The following PDE4D variants were observed in gnomAD, a reference collection of about 807,000 sequenced individuals.
PDE4D encodes 3',5'-cyclic-AMP phosphodiesterase 4D.
PDE4D carries 24 observed loss-of-function variants against 87.4 expected under a neutral mutation model. The observed-to-expected ratio is 0.27, with a 90% CI of 0.20 to 0.39. The LOEUF (loss-of-function observed/expected upper bound fraction) is 0.39, where lower values mean the gene tolerates loss of function less well. Ranked by LOEUF, PDE4D falls within the 10% of genes least tolerant of loss-of-function variation. The pLI is 1.00. For missense variants in PDE4D, 714 were observed against 1,041.0 expected (o/e 0.69, Z 4.32); for synonymous variants, 384 against 383.2 (o/e 1.00, Z -0.02).
intron 11 of PDE4D, among the ~76,000 whole-genome samples, chr5:58,982,762 T>A (rs552830148): frequency 1.3e-5 from 2 of 152,270 alleles, no homozygotes; most frequent in African/African-American, 4.8e-5. Flanking sequence ...GCCACCTCCA[T>A]CCCTGCCACC....
chr5:60,304,572 G>A (rs1383721846), intron 1 of PDE4D, among the ~76,000 whole-genome samples: 1 of 149,076 alleles, frequency 6.7e-6, no homozygotes, highest in Non-Finnish European at 1.5e-5. Context: ...GTGAACCCGG[G>A]AAGCGGAGCT....
chr5:59,900,742 A>G (rs1364456893), intron 3 of PDE4D, among the ~76,000 whole-genome samples: 1 of 152,172 alleles, frequency 6.6e-6, no homozygotes, highest in Non-Finnish European at 1.5e-5. Flanking sequence ...TGATAATTAT[A>G]TTTTTTATAA....
intron 1 of PDE4D, chr5:59,586,835 T>C (rs1412669983): frequency 1.0e-6 from 1 of 985,350 alleles, no homozygotes; most frequent in East Asian, 1.1e-4. Flanking sequence ...AAACTTCAGG[T>C]TGCTTTGCCA....
chr5:59,275,442 T>C, intron 1 of PDE4D: 2 of 1,591,832 alleles, frequency 1.3e-6, no homozygotes, highest in Non-Finnish European at 1.7e-6. Context: ...CTTCAACTAT[T>C]CTGATTAATA....
At chr5:59,039,190 T>G in intron 5 of PDE4D, 9 of 1,319,540 alleles carry the variant, frequency 6.8e-6, no homozygotes, top group Non-Finnish European at 8.7e-6. Flanking sequence ...CTCTCCAGCT[T>G]GGCGTCTCGG....
chr5:60,150,171 A>G (rs568716064), intron 2 of PDE4D, among the ~76,000 whole-genome samples: 17 of 151,740 alleles, frequency 1.1e-4, no homozygotes, highest in African/African-American at 4.1e-4. Context: ...AGTAATTATT[A>G]TTCCATAGTT....
intron 1 of PDE4D, among the ~76,000 whole-genome samples, chr5:60,428,174 G>A (rs780224271): frequency 2.6e-5 from 4 of 152,140 alleles, no homozygotes; most frequent in African/African-American, 9.7e-5. Context: ...AATGTGGAGA[G>A]GTACAATACT....
chr5:60,235,412 T>C (rs1274253238), intron 1 of PDE4D, among the ~76,000 whole-genome samples: 1 of 151,874 alleles, frequency 6.6e-6, no homozygotes, highest in Non-Finnish European at 1.5e-5. Context: ...CCTCCCGAAG[T>C]AGTTTGAAAA....
chr5:60,351,965 C>T (rs1759239072), intron 1 of PDE4D, among the ~76,000 whole-genome samples: 2 of 150,382 alleles, frequency 1.3e-5, no homozygotes, highest in South Asian at 4.2e-4. Flanking sequence ...ACCACCACAC[C>T]CGGCTTTTTT....
chr5:59,061,798 C>T (rs1162025229), intron 5 of PDE4D, among the ~76,000 whole-genome samples: 1 of 152,134 alleles, frequency 6.6e-6, no homozygotes, highest in Non-Finnish European at 1.5e-5. Context: ...GCTATCTTCA[C>T]AGATTATGAA....
chr5:60,459,288 T>C (rs986288126), intron 1 of PDE4D, among the ~76,000 whole-genome samples: 4 of 152,188 alleles, frequency 2.6e-5, no homozygotes, highest in African/African-American at 9.7e-5. Flanking sequence ...ACAATAAACA[T>C]GCCAAAGGAG....
Position 60,518,441 on chromosome 5 carries a change from C to T in PDE4D, n.70+3610G>A, listed in dbSNP as rs1023886975. Among the ~76,000 whole-genome samples the T allele has an allele frequency of 5.9e-5, 9 of 152,108 alleles. No homozygotes were observed. The East Asian group carries it at 9.6e-4, about 16-fold the overall frequency. The stretch of plus-strand genomic sequence containing the variant: ...GATGAGGCACAGAATTTTTAAGCAA[C>T]GAATACACAGCCTCACAGCTAAAAA... On this transcript the variant is annotated intron_variant and non_coding_transcript_variant, in intron 1 of 2. Transcript: ENST00000506510.
chr5:59,993,573 T>C (rs1763225698), intron 2 of PDE4D, among the ~76,000 whole-genome samples: 1 of 152,120 alleles, frequency 6.6e-6, no homozygotes, highest in South Asian at 2.1e-4. Flanking sequence ...AAGTCACATA[T>C]TATATTCATA....
chr5:59,184,628 T>A (rs1742467729), intron 4 of PDE4D, among the ~76,000 whole-genome samples: 1 of 152,310 alleles, frequency 6.6e-6, no homozygotes, highest in South Asian at 2.1e-4. Flanking sequence ...ATTACTTTTA[T>A]CTTTTTAGAT....
intron 1 of PDE4D, among the ~76,000 whole-genome samples, chr5:59,886,726 T>G (rs1475853162): frequency 2.0e-5 from 3 of 151,970 alleles, no homozygotes; most frequent in Non-Finnish European, 2.9e-5. Context: ...CACAGAGAAC[T>G]CAGACCACGG....
intron 1 of PDE4D, among the ~76,000 whole-genome samples, chr5:59,329,895 C>G (rs567797107): frequency 6.6e-6 from 1 of 152,214 alleles, no homozygotes; most frequent in Non-Finnish European, 1.5e-5. Flanking sequence ...TTAATATTAG[C>G]AACATAAAAG....
intron 1 of PDE4D, among the ~76,000 whole-genome samples, chr5:60,411,974 T>C (rs1742082142): frequency 6.6e-6 from 1 of 152,178 alleles, no homozygotes; most frequent in Non-Finnish European, 1.5e-5. Flanking sequence ...TTCAAAAAGA[T>C]TAATATTTTA....
At chr5:59,333,585 G>A (rs1777119208) in intron 1 of PDE4D, among the ~76,000 whole-genome samples, 1 of 152,142 alleles carries the variant, frequency 6.6e-6, no homozygotes, top group Admixed American at 6.5e-5. Context: ...AGCTTAGTGT[G>A]TCTCTCTCCA....
intron 2 of PDE4D, among the ~76,000 whole-genome samples, chr5:60,050,180 C>A (rs184289253): frequency 3.1e-4 from 47 of 152,300 alleles, no homozygotes; most frequent in African/African-American, 1.0e-3. Context: ...CTCCCTGACC[C>A]CTTGTGCTTC....
Sources: allele counts gnomAD v4.1 joint callset (sites outside exome capture counted in the v4.1 genomes callset), GRCh38; gene constraint gnomAD v4.1.1; transcripts MANE v1.5; gene names NCBI Gene and HGNC (gene_info 2026-07-23, HGNC 2026-07-21).